The following CADPS2 variants were observed in gnomAD, a reference collection of about 807,000 sequenced individuals.
CADPS2 encodes calcium-dependent secretion activator 2.
A neutral mutation model predicts 172.5 loss-of-function variants in CADPS2; 93 were observed. The ratio of observed to expected loss-of-function variants is 0.54; its 90% CI spans 0.46 to 0.64. CADPS2 has a LOEUF of 0.64. CADPS2 is among the 30% of genes least tolerant of loss of function. CADPS2 has a pLI of 0.00. For missense variants in CADPS2, 1,420 were observed against 1,565.9 expected (o/e 0.91, Z 1.57); for synonymous variants, 546 against 555.2 (o/e 0.98, Z 0.23).
intron 25 of CADPS2, among the ~76,000 whole-genome samples, chr7:122,368,441 C>T (rs2041271267): frequency 6.6e-6 from 1 of 152,132 alleles, no homozygotes; most frequent in African/African-American, 2.4e-5. Context: ...CCACAGGGGC[C>T]AAATCCTGGC....
chr7:122,536,665 C>T (rs2062314726), intron 8 of CADPS2, among the ~76,000 whole-genome samples: 1 of 151,974 alleles, frequency 6.6e-6, no homozygotes, highest in Non-Finnish European at 1.5e-5. Context: ...TTATGGAAAA[C>T]AATCTTTTTA....
intron 28 of CADPS2, among the ~76,000 whole-genome samples, chr7:122,328,085 CAACA>C (rs1178592460): frequency 6.6e-6 from 1 of 151,110 alleles, no homozygotes; most frequent in Non-Finnish European, 1.5e-5. Context: ...AGCCTAACAA[CAACA>C]AAAATCCCAT....
intron 27 of CADPS2, among the ~76,000 whole-genome samples, chr7:122,347,492 TA>T (rs1484994787): frequency 6.6e-6 from 1 of 152,148 alleles, no homozygotes; most frequent in Non-Finnish European, 1.5e-5. Flanking sequence ...ATATACCACA[TA>T]AATTCAAGGA....
At chr7:122,548,209 A>T (rs916314997) in intron 8 of CADPS2, among the ~76,000 whole-genome samples, 1 of 151,726 alleles carries the variant, frequency 6.6e-6, no homozygotes, top group African/African-American at 2.4e-5. Context: ...CTCTATAAAA[A>T]TTTTTTTAAA....
intron 8 of CADPS2, among the ~76,000 whole-genome samples, chr7:122,548,880 C>T (rs1013163217): frequency 2.6e-5 from 4 of 151,978 alleles, no homozygotes; most frequent in Admixed American, 2.6e-4. Flanking sequence ...ATAAAGTTAG[C>T]AGAAAAATAA....
At chr7:122,659,866 A>G (rs1182597531) in intron 3 of CADPS2, among the ~76,000 whole-genome samples, 2 of 145,266 alleles carry the variant, frequency 1.4e-5, no homozygotes, top group Non-Finnish European at 3.2e-5. Flanking sequence ...CAGAGCGCTG[A>G]AAGAGAAAAA....
In CADPS2 at chr7:122,738,580, C is replaced by A. The variant is rs2092306303; in HGVS notation, c.340-1512G>T. 2.6e-5 allele frequency among the ~76,000 whole-genome samples: 4 copies of A among 152,016 alleles called. No homozygotes were observed. The South Asian group carries it at 6.2e-4, about 24-fold the overall frequency. On this transcript the variant is annotated intron_variant, in intron 1 of 29. Coordinates refer to ENST00000449022, the MANE Select transcript of CADPS2 (RefSeq NM_017954.11). ...GAATCTACAGAGGGATGTGAAGCAT[C>A]TGGAAACATACTGAGGATAAAATGA...
At chr7:122,852,602 A>AC (rs747824749) in intron 1 of CADPS2, among the ~76,000 whole-genome samples, 2 of 152,134 alleles carry the variant, frequency 1.3e-5, no homozygotes, top group Non-Finnish European at 2.9e-5. Context: ...TGGGGAAGGA[A>AC]CTTTCAGGTA....
chr7:122,777,159 A>G (rs1487608463), intron 1 of CADPS2, among the ~76,000 whole-genome samples: 2 of 152,174 alleles, frequency 1.3e-5, no homozygotes, highest in Admixed American at 1.3e-4. Flanking sequence ...TAAAAAAATA[A>G]TAATAATTAA....
At chr7:122,538,451 A>G (rs1204868759) in intron 8 of CADPS2, among the ~76,000 whole-genome samples, 5 of 151,184 alleles carry the variant, frequency 3.3e-5, no homozygotes, top group Admixed American at 2.6e-4. Flanking sequence ...GCAGTCAGAT[A>G]AATTGAAGGG....
chr7:122,361,561 G>T (rs767114153), intron 25 of CADPS2, among the ~76,000 whole-genome samples: 5 of 151,938 alleles, frequency 3.3e-5, no homozygotes, highest in Non-Finnish European at 7.4e-5. Context: ...AAAAATAAAA[G>T]ATAATGTGTC....
intron 1 of CADPS2, among the ~76,000 whole-genome samples, chr7:122,784,960 G>C (rs1315850671): frequency 4.6e-5 from 7 of 151,690 alleles, no homozygotes. Flanking sequence ...TTTCATTTCA[G>C]GTCCCTGGAA....
At chr7:122,707,742 AATG>A (rs1441075730) in intron 2 of CADPS2, among the ~76,000 whole-genome samples, 1 of 151,870 alleles carries the variant, frequency 6.6e-6, no homozygotes, top group African/African-American at 2.4e-5. Context: ...AAAGAGTACT[AATG>A]ATAATATTTT....
At chr7:122,814,665 G>C (rs1800866205) in intron 1 of CADPS2, among the ~76,000 whole-genome samples, 1 of 152,054 alleles carries the variant, frequency 6.6e-6, no homozygotes, top group South Asian at 2.1e-4. Context: ...TCAAGACAGA[G>C]ACAATCTGAT....
At chr7:122,531,188 A>T (rs568937912) in intron 8 of CADPS2, among the ~76,000 whole-genome samples, 9 of 152,220 alleles carry the variant, frequency 5.9e-5, no homozygotes, top group Admixed American at 3.9e-4. Context: ...GTTGTCCTTT[A>T]GCATAAAGAC....
intron 15 of CADPS2, among the ~76,000 whole-genome samples, chr7:122,443,478 A>T (rs1465421389): frequency 6.6e-6 from 1 of 152,186 alleles, no homozygotes; most frequent in African/African-American, 2.4e-5. Flanking sequence ...TAACATGAAT[A>T]AACTGAAGTC....
At chr7:122,832,155 C>G (rs1400448012) in intron 1 of CADPS2, among the ~76,000 whole-genome samples, 1 of 151,964 alleles carries the variant, frequency 6.6e-6, no homozygotes, top group African/African-American at 2.4e-5. Context: ...TCATGGTGAA[C>G]AAACATTTAA....
intron 9 of CADPS2, among the ~76,000 whole-genome samples, chr7:122,496,884 C>T (rs1336480908): frequency 1.3e-5 from 2 of 152,132 alleles, no homozygotes; most frequent in East Asian, 3.9e-4. Flanking sequence ...ATATTCTTTT[C>T]TGATGTAAAA....
intron 3 of CADPS2, among the ~76,000 whole-genome samples, chr7:122,662,575 C>T (rs1292872181): frequency 1.3e-5 from 2 of 152,076 alleles, no homozygotes; most frequent in Non-Finnish European, 2.9e-5. Flanking sequence ...CAGGTTTCAC[C>T]ATGTTGCCCA....
Sources: gnomAD v4.1 joint callset for allele counts (sites outside exome capture counted in the v4.1 genomes callset) on GRCh38, gnomAD v4.1.1 for gene constraint, MANE v1.5 for transcripts, NCBI Gene and HGNC (gene_info 2026-07-23, HGNC 2026-07-21) for gene names.